The following ASTE1 variants were observed in gnomAD, a reference collection of about 807,000 sequenced individuals.
The protein encoded by ASTE1 is asteroid structure-specific endonuclease 1.
A neutral mutation model predicts 45.8 loss-of-function variants in ASTE1; 49 were observed. The observed-to-expected ratio is 1.07, with a 90% confidence interval of 0.85 to 1.36. The LOEUF is 1.36. ASTE1 is among the 40% of genes most tolerant of loss of function. The probability of loss-of-function intolerance (pLI) is 0.00; values close to 1 mark genes in which losing one functional copy is unlikely to be tolerated. For missense variants in ASTE1, 709 were observed against 804.0 expected (o/e 0.88, Z 1.43); for synonymous variants, 296 against 303.9 (o/e 0.97, Z 0.27).
Position 131,014,108 on chromosome 3 carries a change from C to T in ASTE1, c.1989G>A (p.Leu663=). 1 of 1,606,348 alleles carries T rather than the reference C, an allele frequency of 6.2e-7. No individual in the cohort carries two copies. Among genetic ancestry groups the T allele is most frequent in the Non-Finnish European group, 8.5e-7 (1 of 1,178,162 alleles). ...GTTCCTCTAAGTTTTCAACCATTAA[C>T]AACCCAAACCGGTTGTTTCCCTCAT... is the stretch of plus-strand genomic sequence containing the variant. ...CWYEGNNRFG[L]LMVENLEEHS... The change falls in exon 6 of 6, where the codon TTG becomes TTA. Residue 663 remains leucine (L), a synonymous_variant. Coordinates refer to ENST00000264992, the MANE Select transcript of ASTE1 (RefSeq NM_014065.4).
chr3:131,014,836 T>A (rs148278807), intron 5 of ASTE1, among the ~76,000 whole-genome samples: 136 of 152,268 alleles, frequency 8.9e-4, no homozygotes, highest in Middle Eastern at 3.4e-3. Context: ...AATCCACAAG[T>A]TTATTATGGA....
intron 3 of ASTE1, 111 bp from the exon 4 acceptor site, chr3:131,018,827 T>TA: frequency 4.1e-5 from 43 of 1,049,986 alleles, no homozygotes; most frequent in Non-Finnish European, 5.8e-5. Context: ...TGTCAGCTGT[T>TA]AAACTTATCT....
At chr3:131,014,519 T>A in intron 5 of ASTE1, 132 bp from the exon 6 acceptor site, 1 of 854,338 alleles carries the variant, frequency 1.2e-6, no homozygotes, top group Non-Finnish European at 1.7e-6. Flanking sequence ...TTATCGAAAT[T>A]ACTTAAGAAT....
chr3:131,016,673 T>A (rs2063644807), intron 4 of ASTE1: 1 of 343,726 alleles, frequency 2.9e-6, no homozygotes, highest in Non-Finnish European at 5.5e-6. Flanking sequence ...TACAAATGAC[T>A]ATTAAATATT....
Position 131,013,957 on chromosome 3 carries a change from G to T in ASTE1, c.*100C>A. 1 of 788,966 alleles carries T rather than the reference G, an allele frequency of 1.3e-6. No individual in the cohort carries two copies. 48.9% of individuals were successfully genotyped at this position (788,966 alleles called of 1,614,324 possible). A position where few individuals can be genotyped will look rare whatever the true frequency, so the allele number is the denominator to read the frequency against. ...TTATTGTGATGTTTATCCCCTAACA[G>T]GTCAGTCCTAAAGAAAAAGCTAATT... On this transcript the variant is annotated 3_prime_UTR_variant, in exon 6 of 6. Transcript: ENST00000264992.
rs772579017 is a variant in ASTE1 at position 131,025,345 on chromosome 3, C to T, written c.-25-14G>A. The T allele has an allele frequency of 7.0e-6, 11 of 1,570,360 alleles. No homozygotes were observed. The East Asian group carries it at 1.3e-4, about 19-fold the overall frequency. On this transcript the variant is annotated splice_polypyrimidine_tract_variant and intron_variant, in intron 2 of 5. Coordinates refer to ENST00000264992, the MANE Select transcript of ASTE1 (RefSeq NM_014065.4). ...AGAATTAATCGCCTGTTTAAAACAA[C>T]AGAAAACATTTTCAATTGATGCTAG...
In ASTE1 at chr3:131,024,367, T is replaced by C; in HGVS notation, c.940A>G (p.Thr314Ala). Residue 314 changes from threonine to alanine, a missense_variant, in exon 3 of 6, where the codon ACT (threonine) becomes GCT (alanine). Thr to Ala is a moderately conservative substitution (Grantham distance 58, BLOSUM62 0). Transcript: ENST00000264992. Reference sequence around the variant, plus strand: ...TTCAAGGCATCTGGACAGACATAAGTACCACACTGGAAGAAGTCCTGTAGC... The same window carrying C: ...TTCAAGGCATCTGGACAGACATAAGCACCACACTGGAAGAAGTCCTGTAGC... ...VKLQDFFQCG[T>A]YVCPDALNLG... 1.2e-6 allele frequency: 2 copies of C among 1,614,238 alleles called. No individual in the cohort carries two copies. Among genetic ancestry groups the C allele is most frequent in the Non-Finnish European group, 1.7e-6 (2 of 1,180,038 alleles).
chr3:131,023,938 T>C, intron 3 of ASTE1, 67 bp downstream of exon 3: 9 of 1,460,006 alleles, frequency 6.2e-6, no homozygotes, highest in African/African-American at 1.4e-5. Flanking sequence ...TGAACTAATA[T>C]AGAAGACAGC....
Position 131,024,209 on chromosome 3 carries a change from G to A in ASTE1, c.1098C>T (p.His366=), listed in dbSNP as rs566435245. The A allele has an allele frequency of 6.2e-7, 1 of 1,614,090 alleles. No individual in the cohort carries two copies. Among genetic ancestry groups the A allele is most frequent in the Admixed American group, 1.7e-5 (1 of 60,014 alleles). ...TTTGCCTGATGGGCTGAGATATTCT[G>A]TGGGCATTTGGTTGCTGCATGTTTT... is the stretch of plus-strand genomic sequence containing the variant. ...QVENMQQPNA[H]RISQPIRQII... Residue 366 remains histidine (H), a synonymous_variant, in exon 3 of 6, where the codon CAC becomes CAT. Transcript: ENST00000264992.
In ASTE1 at chr3:131,024,222, T is replaced by C. The variant is rs1331570720; in HGVS notation, c.1085A>G (p.Gln362Arg). The change falls in exon 3 of 6, where the codon CAA becomes CGA. Residue 362 changes from glutamine to arginine, a missense_variant. Transcript: ENST00000264992. ...CTGAGATATTCTGTGGGCATTTGGT[T>C]GCTGCATGTTTTCCACCTGTGTGGG... ...ILPTQVENMQQPNAHRISQPI... is the reference protein window; with the variant it reads ...ILPTQVENMQRPNAHRISQPI... The C allele has an allele frequency of 1.2e-6, 2 of 1,614,226 alleles. No homozygotes were observed. Among genetic ancestry groups the C allele is most frequent in the South Asian group, 1.1e-5 (1 of 91,090 alleles).
Position 131,014,068 on chromosome 3 carries a change from T to TG in ASTE1, c.2028dup (p.Asn677GlnfsTer3). The TG allele has an allele frequency of 6.3e-7, 1 of 1,582,946 alleles. No homozygotes were observed. The highest frequency in any genetic ancestry group is 2.2e-5 in the East Asian group (1 of 44,746). ...ATGCAAACTGAGTTTTATTCAATGT[T>TG]GGAGGCCTCACTATGTTCCTCTAAG... On this transcript the variant is annotated frameshift_variant, in exon 6 of 6. Coordinates refer to ENST00000264992, the MANE Select transcript of ASTE1 (RefSeq NM_014065.4). LOFTEE classifies it high-confidence loss of function.
chr3:131,023,942 A>C, intron 3 of ASTE1, 63 bp downstream of exon 3: 2 of 1,471,634 alleles, frequency 1.4e-6, no homozygotes, highest in Non-Finnish European at 1.8e-6. Context: ...CTAATATAGA[A>C]GACAGCACTT....
At chr3:131,016,423 A>G (rs1038004800) in intron 4 of ASTE1, 84 bp from the exon 5 acceptor site, 5 of 1,423,540 alleles carry the variant, frequency 3.5e-6, no homozygotes, top group East Asian at 2.3e-5. Flanking sequence ...TACAAATTCT[A>G]TAAAGAAAGA....
intron 4 of ASTE1, 71 bp from the exon 5 acceptor site, chr3:131,016,410 T>C (rs1014416848): frequency 1.3e-6 from 2 of 1,496,862 alleles, no homozygotes; most frequent in South Asian, 1.1e-5. Context: ...TCTCCACATA[T>C]ACTACAAATT....
At chr3:131,017,147 T>C in intron 4 of ASTE1, 1 of 763,636 alleles carries the variant, frequency 1.3e-6, no homozygotes, top group Admixed American at 3.1e-5. Flanking sequence ...ATACTGTATT[T>C]ATTATTCAAT....
At chr3:131,016,577 T>G in intron 4 of ASTE1, 1 of 539,444 alleles carries the variant, frequency 1.9e-6, no homozygotes, top group Non-Finnish European at 3.3e-6. Context: ...TTCCCTGAAA[T>G]AAGATCTTTT....
intron 3 of ASTE1, among the ~76,000 whole-genome samples, chr3:131,021,213 T>C (rs932617125): frequency 6.6e-6 from 1 of 152,088 alleles, no homozygotes; most frequent in Non-Finnish European, 1.5e-5. Context: ...GACCCGTATA[T>C]GATAAAAATG....
At chr3:131,018,476 A>C in intron 4 of ASTE1, 30 bp downstream of exon 4, 1 of 1,597,040 alleles carries the variant, frequency 6.3e-7, no homozygotes. Flanking sequence ...AACATGCCAC[A>C]ATATACTCCT....
chr3:131,014,175 G>T lies in ASTE1; in HGVS notation c.1922C>A (p.Ser641Tyr). 6.2e-7 allele frequency: 1 copy of T among 1,613,162 alleles called. No homozygotes were observed. The highest frequency in any genetic ancestry group is 1.1e-5 in the South Asian group (1 of 91,048). ...TGCAGTGGTTCTCCCTCTGTTCTTA[G>T]AACAGCTGGTATTCTGTTTCTTCTG... ...KRQKKQNTSC[S>Y]KNRGRTTAHT... Residue 641 changes from serine (S) to tyrosine (Y), a missense_variant, in exon 6 of 6, where the codon TCT (serine) becomes TAT (tyrosine). Transcript: ENST00000264992.
Sources: gnomAD v4.1 joint callset for allele counts (sites outside exome capture counted in the v4.1 genomes callset) on GRCh38, gnomAD v4.1.1 for gene constraint, MANE v1.5 for transcripts, NCBI Gene and HGNC (gene_info 2026-07-23, HGNC 2026-07-21) for gene names.